The following RAPGEF1 variants were observed in gnomAD, a reference collection of about 807,000 sequenced individuals.
The protein encoded by RAPGEF1 is Rap guanine nucleotide exchange factor 1, also known as CRK SH3-binding GNRP.
A neutral mutation model predicts 143.3 loss-of-function variants in RAPGEF1; 33 were observed. The observed-to-expected ratio is 0.23, with a 90% confidence interval of 0.17 to 0.31. RAPGEF1 has a LOEUF of 0.31. Among genes scored for constraint, RAPGEF1 ranks in the 10% least tolerant of loss-of-function variants. RAPGEF1 has a pLI of 1.00. For missense variants in RAPGEF1, 1,199 were observed against 1,645.4 expected (o/e 0.73, Z 4.69); for synonymous variants, 629 against 676.5 (o/e 0.93, Z 1.09).
At position 131,578,321 on chromosome 9, in the gene RAPGEF1, CGTGGGGAGA is replaced by C. The variant is rs1347208410; in HGVS notation, c.*1167_*1175del. 1.3e-5 allele frequency: 2 copies of C among 152,652 alleles called. No individual in the cohort carries two copies. Among genetic ancestry groups the C allele is most frequent in the African/African-American group, 2.4e-5 (1 of 41,488 alleles). 9.5% of individuals were successfully genotyped at this position (152,652 alleles called of 1,614,324 possible). ...GCATCTGCTCTGGAAGCCGCTCTGG[CGTGGGGAGA>C]GTGGGGAGAGGGTGCGCTTGCTGCA... is the stretch of plus-strand genomic sequence containing the variant. On this transcript the variant is annotated 3_prime_UTR_variant, in exon 27 of 27. Coordinates refer to ENST00000683357, the MANE Select transcript of RAPGEF1 (RefSeq NM_001377935.1).
chr9:131,577,595 C>T lies in RAPGEF1; in HGVS notation c.*1902G>A, dbSNP rs1951348383. The T allele has an allele frequency of 6.6e-6, 1 of 152,210 alleles. No individual in the cohort carries two copies. The highest frequency in any genetic ancestry group is 1.9e-4 in the East Asian group (1 of 5,196). The allele number at this position is 152,210 out of a possible 1,614,324, so 9.4% of individuals were successfully genotyped here. On this transcript the variant is annotated 3_prime_UTR_variant, in exon 27 of 27. Coordinates refer to ENST00000683357, the MANE Select transcript of RAPGEF1 (RefSeq NM_001377935.1). ...CCAAGGGCCCTGTGTGCAGAGCGGC[C>T]CTCACACGCGCACAGCAGCATTCAA...
At chr9:131,592,230 TG>T (rs766956416) in intron 17 of RAPGEF1, 47 bp from the exon 18 acceptor site, 14 of 1,468,804 alleles carry the variant, frequency 9.5e-6, no homozygotes, top group East Asian at 2.3e-5. Flanking sequence ...TGCAGAGTGC[TG>T]GGGGGTGGTA....
intron 1 of RAPGEF1, among the ~76,000 whole-genome samples, chr9:131,659,910 C>T (rs1973538178): frequency 6.6e-6 from 1 of 152,140 alleles, no homozygotes; most frequent in African/African-American, 2.4e-5. Context: ...GCTCCACCTC[C>T]TGGGTTCACG....
chr9:131,602,023 C>T (rs1956353804), intron 15 of RAPGEF1, 38 bp downstream of exon 15: 2 of 1,517,000 alleles, frequency 1.3e-6, no homozygotes, highest in Admixed American at 2.0e-5. Flanking sequence ...GGGCGCACTG[C>T]TCTCGGGGGA....
rs937415712 is a variant in RAPGEF1 at position 131,739,854 on chromosome 9, G to A, written c.-24C>T. 2.8e-5 allele frequency: 28 copies of A among 1,004,306 alleles called. No homozygotes were observed. The highest frequency in any genetic ancestry group is 2.5e-4 in the African/African-American group (14 of 56,874). 62.2% of individuals were successfully genotyped at this position (1,004,306 alleles called of 1,614,324 possible). A position where few individuals can be genotyped will look rare whatever the true frequency, so the allele number is the denominator to read the frequency against. On this transcript the variant is annotated 5_prime_UTR_variant, in exon 1 of 27. Transcript: ENST00000683357. ...ATCGGGCCCGGGCCGGGCCGCCGCG[G>A]GGCGACAGGGGCGGCGCGCCCGCCG...
chr9:131,621,560 A>G lies in RAPGEF1; in HGVS notation c.1905+236T>C, dbSNP rs978048569. ...CCCTGCTGCGCGGGGCTGCTGTGGA[A>G]AAGAAAGGTCCCTGCACCCCAGGGT... On this transcript the variant is annotated intron_variant, in intron 11 of 26. Coordinates refer to ENST00000683357, the MANE Select transcript of RAPGEF1 (RefSeq NM_001377935.1). This position sits in a 1 kb window ranked among gnomAD's most constrained non-coding sequence, Gnocchi z 4.5. 1.3e-5 allele frequency among the ~76,000 whole-genome samples: 2 copies of G among 152,160 alleles called. No homozygotes were observed. The highest frequency in any genetic ancestry group is 2.4e-5 in the African/African-American group (1 of 41,440).
chr9:131,640,871 T>A (rs1257456668), intron 4 of RAPGEF1, among the ~76,000 whole-genome samples: 1 of 152,122 alleles, frequency 6.6e-6, no homozygotes, highest in Non-Finnish European at 1.5e-5. Context: ...TTCCAATCAC[T>A]GTGGGAGACC....
At chr9:131,699,929 A>T (rs943894146) in intron 1 of RAPGEF1, among the ~76,000 whole-genome samples, 1 of 152,164 alleles carries the variant, frequency 6.6e-6, no homozygotes, top group Admixed American at 6.5e-5. Flanking sequence ...TCTGAACTCC[A>T]GATTTTTATA....
intron 12 of RAPGEF1, among the ~76,000 whole-genome samples, chr9:131,617,947 G>A (rs1959295788): frequency 6.6e-6 from 1 of 152,226 alleles, no homozygotes; most frequent in South Asian, 2.1e-4. Flanking sequence ...ATGCGCAGAT[G>A]CCAGTGAAAG....
intron 1 of RAPGEF1, among the ~76,000 whole-genome samples, chr9:131,665,711 G>C (rs368634886): frequency 6.6e-6 from 1 of 152,094 alleles, no homozygotes; most frequent in African/African-American, 2.4e-5. Context: ...ATGTCCCCCA[G>C]ATGGGGAGGC....
intron 1 of RAPGEF1, among the ~76,000 whole-genome samples, chr9:131,701,415 G>A (rs1834634900): frequency 6.6e-6 from 1 of 152,062 alleles, no homozygotes; most frequent in African/African-American, 2.4e-5. Flanking sequence ...TTTCACTTAA[G>A]AAAAAACCGA....
At position 131,592,107 on chromosome 9, in the gene RAPGEF1, C is replaced by G. The variant is rs1385918227; in HGVS notation, c.2766G>C (p.Leu922=). 4 of 1,609,458 alleles carry G rather than the reference C, an allele frequency of 2.5e-6. No homozygotes were observed. The Admixed American group carries it at 6.7e-5, about 27-fold the overall frequency. Residue 922 remains leucine, a synonymous_variant, in exon 18 of 27, where the codon CTG becomes CTC. Transcript: ENST00000683357. ...CAGGAAGGAAAGGATATCTGTACTG[C>G]AGCTTCTTGATGAGCTCCTCTGGGG... ...FISPEELIKK[L]QYRYEKFSPF... is the part of the protein sequence containing the mutation.
intron 12 of RAPGEF1, among the ~76,000 whole-genome samples, chr9:131,615,616 G>C (rs573484471): frequency 7.2e-5 from 11 of 152,276 alleles, no homozygotes; most frequent in Non-Finnish European, 1.0e-4. Context: ...GAGGTTCTGG[G>C]GAGACGGGAG....
intron 1 of RAPGEF1, among the ~76,000 whole-genome samples, chr9:131,726,067 G>T (rs1335625656): frequency 6.6e-6 from 1 of 151,992 alleles, no homozygotes; most frequent in African/African-American, 2.4e-5. Context: ...CCAAAATTGG[G>T]TTGTTTTTTG....
intron 1 of RAPGEF1, among the ~76,000 whole-genome samples, chr9:131,714,959 C>A (rs923128665): frequency 6.6e-6 from 1 of 152,110 alleles, no homozygotes; most frequent in Non-Finnish European, 1.5e-5. Context: ...GATCCTCGAG[C>A]CTCAGCCTCC....
chr9:131,710,151 C>T (rs765788026), intron 1 of RAPGEF1, among the ~76,000 whole-genome samples: 1 of 152,156 alleles, frequency 6.6e-6, no homozygotes, highest in Non-Finnish European at 1.5e-5. Context: ...TTCATACAGA[C>T]CCTTATGCCA....
In RAPGEF1 at chr9:131,659,158, G is replaced by A. The variant is rs572941635; in HGVS notation, c.62-8209C>T. On this transcript the variant is annotated intron_variant, in intron 1 of 26. Coordinates refer to ENST00000683357, the MANE Select transcript of RAPGEF1 (RefSeq NM_001377935.1). ...CCCCATTTTCCAAATGCATAAAAAG[G>A]ACAAATGGAGTGGAGGCGTGATTGA... is the stretch of plus-strand genomic sequence containing the variant. Among the ~76,000 whole-genome samples, 9 of 152,294 alleles carry A rather than the reference G, an allele frequency of 5.9e-5. No individual in the cohort carries two copies. In the Middle Eastern group the frequency reaches 0.014, roughly 230 times the overall value.
intron 12 of RAPGEF1, among the ~76,000 whole-genome samples, chr9:131,618,704 A>C (rs1200551583): frequency 6.6e-6 from 1 of 152,198 alleles, no homozygotes; most frequent in East Asian, 1.9e-4. Flanking sequence ...GAGTGACACC[A>C]CACCTGGCTA....
Position 131,598,182 on chromosome 9 carries a change from G to A in RAPGEF1, c.2613+17C>T. ...TGTGGGGCCAGGCTGCAAAGCCCCA[G>A]CCCGGGAAGTTCTCACCTCCTGCTT... On this transcript the variant is annotated intron_variant, in intron 16 of 26. Transcript: ENST00000683357. 2 of 1,607,462 alleles carry A rather than the reference G, an allele frequency of 1.2e-6. No individual in the cohort carries two copies. The highest frequency in any genetic ancestry group is 1.7e-6 in the Non-Finnish European group (2 of 1,174,302).
Sources: allele counts gnomAD v4.1 joint callset (sites outside exome capture counted in the v4.1 genomes callset), GRCh38; gene constraint gnomAD v4.1.1; non-coding constraint Gnocchi (gnomAD v3.1); transcripts MANE v1.5; gene names NCBI Gene and HGNC (gene_info 2026-07-23, HGNC 2026-07-21).